MYO5B: variants seen among roughly 807,000 people sequenced by gnomAD.
MYO5B encodes unconventional myosin-Vb.
A neutral mutation model predicts 229.3 loss-of-function variants in MYO5B; 143 were observed. That is an observed-to-expected ratio of 0.62 (90% CI 0.54 to 0.72). The LOEUF is 0.72. MYO5B is among the 30% of genes least tolerant of loss of function. The pLI is 0.00. For synonymous variants in MYO5B, 918 were observed against 885.2 expected (o/e 1.04, Z -0.66); for missense variants, 2,321 against 2,331.0 (o/e 1.00, Z 0.09).
rs1480273869 is a variant in MYO5B, at chr18:49,904,743, T to C, written c.2500A>G (p.Arg834Gly). ...RMQRARQAYQ[R>G]VRRAAVVIQA... The stretch of plus-strand genomic sequence containing the variant: ...ATAACAACGGCAGCTCTGCGGACCC[T>C]CTGGTAGGCCTGGCGGGCCCTCTGC... Residue 834 changes from arginine to glycine, a missense_variant, in exon 20 of 40, where the codon AGG becomes GGG. Coordinates refer to ENST00000285039, the MANE Select transcript of MYO5B (RefSeq NM_001080467.3). The C allele has an allele frequency of 6.2e-7, 1 of 1,614,010 alleles. No homozygotes were observed. Among genetic ancestry groups the C allele is most frequent in the South Asian group, 1.1e-5 (1 of 91,080 alleles).
Position 49,837,643 on chromosome 18 carries a change from T to C in MYO5B, c.5012A>G (p.Gln1671Arg), listed in dbSNP as rs1336492853. 1 of 1,614,016 alleles carries C rather than the reference T, an allele frequency of 6.2e-7. No homozygotes were observed. Among genetic ancestry groups the C allele is most frequent in the East Asian group, 2.2e-5 (1 of 44,886 alleles). The change falls in exon 37 of 40, where the codon CAG becomes CGG. Residue 1671 changes from glutamine to arginine, a missense_variant. Gln to Arg is a conservative substitution (Grantham distance 43, BLOSUM62 1). This residue lies in a region of MYO5B where 208 missense variants were observed against 286.3 expected (regional missense o/e 0.73). Transcript: ENST00000285039. ...MNAFHTVMCD[Q>R]GLDPEIILQV... ...CAGGATGATCTCAGGGTCCAAGCCC[T>C]GGTCACACATGACTGTATGAAAGGC... is the stretch of plus-strand genomic sequence containing the variant.
At chr18:50,025,268 A>C (rs978421815) in intron 4 of MYO5B, among the ~76,000 whole-genome samples, 1 of 152,236 alleles carries the variant, frequency 6.6e-6, no homozygotes, top group African/African-American at 2.4e-5. Flanking sequence ...CAAGACCTGC[A>C]TATCAGTGAT....
rs886053884 is a variant in MYO5B at position 50,195,040 on chromosome 18, G to GGCCGC, written c.-252_-248dup. The GGCCGC allele has an allele frequency of 1.3e-5, 5 of 372,852 alleles. No individual in the cohort carries two copies. Among genetic ancestry groups the GGCCGC allele is most frequent in the Non-Finnish European group, 4.6e-6 (1 of 219,110 alleles). The allele number at this position is 372,852 out of a possible 1,614,324, so 23.1% of individuals were successfully genotyped here. A position where few individuals can be genotyped will look rare whatever the true frequency, so the allele number is the denominator to read the frequency against. On this transcript the variant is annotated 5_prime_UTR_variant, in exon 1 of 40. Transcript: ENST00000285039. Reference sequence around the variant, plus strand: ...AGGAGTTGCGAGCGCCGGGGGAGGAGGCCGCGCCGCACCACTCCCCTCCCA... The same window carrying GGCCGC: ...AGGAGTTGCGAGCGCCGGGGGAGGAGGCCGCGCCGCGCCGCACCACTCCCCTCCCA...
At chr18:49,948,120 C>G (rs1164594568) in intron 14 of MYO5B, among the ~76,000 whole-genome samples, 1 of 152,168 alleles carries the variant, frequency 6.6e-6, no homozygotes, top group Admixed American at 6.5e-5. Flanking sequence ...GGAAATCACA[C>G]CTACTCATTT....
In MYO5B at chr18:49,974,118, G is replaced by C. The variant is rs551171326; in HGVS notation, c.1322+232C>G. On this transcript the variant is annotated intron_variant, in intron 10 of 39. Coordinates refer to ENST00000285039, the MANE Select transcript of MYO5B (RefSeq NM_001080467.3). ...CTCATTGGGAAACTCCTGGTGTTTTGACAGGTCCATTCTTGCTTGGGGACT... is the reference window on the plus strand; with the variant it reads ...CTCATTGGGAAACTCCTGGTGTTTTCACAGGTCCATTCTTGCTTGGGGACT... Among the ~76,000 whole-genome samples, 110 of 152,266 alleles carry C rather than the reference G, an allele frequency of 7.2e-4. 1 individual carries two copies. Among genetic ancestry groups the C allele is most frequent in the African/African-American group, 2.4e-3 (98 of 41,554 alleles).
chr18:50,167,845 C>T lies in MYO5B; in HGVS notation c.27+26922G>A, dbSNP rs188634689. 2.2e-4 allele frequency among the ~76,000 whole-genome samples: 33 copies of T among 152,252 alleles called. No homozygotes were observed. The East Asian group carries it at 5.2e-3, about 24-fold the overall frequency. On this transcript the variant is annotated intron_variant, in intron 1 of 39. Coordinates refer to ENST00000285039, the MANE Select transcript of MYO5B (RefSeq NM_001080467.3). ...GTCCCCAAAATAAATCAAGCCAAGC[C>T]CATCTGCCCTCTGGCCCCACGGGTA...
chr18:49,838,479 C>T lies in MYO5B; in HGVS notation c.4852+665G>A, dbSNP rs1449472975. 2.0e-5 allele frequency among the ~76,000 whole-genome samples: 3 copies of T among 152,132 alleles called. No individual in the cohort carries two copies. In the East Asian group the frequency reaches 5.8e-4, roughly 29 times the overall value. Reference sequence around the variant, plus strand: ...GACAGGAAGGAGGGTTTGGAATGAACCTCATTTCAAGTAATGTATTTCTAG... The same window carrying T: ...GACAGGAAGGAGGGTTTGGAATGAATCTCATTTCAAGTAATGTATTTCTAG... On this transcript the variant is annotated intron_variant, in intron 36 of 39. Coordinates refer to ENST00000285039, the MANE Select transcript of MYO5B (RefSeq NM_001080467.3).
intron 8 of MYO5B, among the ~76,000 whole-genome samples, chr18:49,983,265 T>G (rs915582625): frequency 2.6e-5 from 4 of 152,228 alleles, no homozygotes; most frequent in African/African-American, 9.6e-5. Flanking sequence ...CAACAGAACA[T>G]GAAGACAATT....
At chr18:50,096,701 T>C (rs1400173823) in intron 1 of MYO5B, among the ~76,000 whole-genome samples, 1 of 152,210 alleles carries the variant, frequency 6.6e-6, no homozygotes, top group Non-Finnish European at 1.5e-5. Context: ...AGTCCTTTCC[T>C]ACTTTGTTCA....
chr18:50,106,443 C>T (rs1449730012), intron 1 of MYO5B, among the ~76,000 whole-genome samples: 1 of 152,202 alleles, frequency 6.6e-6, no homozygotes, highest in African/African-American at 2.4e-5. Context: ...ATCTGGCCTT[C>T]ATCATCTGGC....
chr18:50,134,229 T>C (rs530053948), intron 1 of MYO5B, among the ~76,000 whole-genome samples: 16 of 151,978 alleles, frequency 1.1e-4, no homozygotes, highest in Middle Eastern at 6.8e-3. Flanking sequence ...CAGAGGCACA[T>C]AAAAACAAGT....
chr18:50,008,471 T>C (rs549672001), intron 4 of MYO5B, among the ~76,000 whole-genome samples: 1 of 152,338 alleles, frequency 6.6e-6, no homozygotes, highest in East Asian at 1.9e-4. Context: ...TACAAGTTAC[T>C]GCCTGCAAAC....
chr18:50,010,050 C>A lies in MYO5B; in HGVS notation c.456-8639G>T, dbSNP rs2026145658. Among the ~76,000 whole-genome samples, 3 of 152,152 alleles carry A rather than the reference C, an allele frequency of 2.0e-5. No individual in the cohort carries two copies. In the South Asian group the frequency reaches 6.2e-4, roughly 32 times the overall value. On this transcript the variant is annotated intron_variant, in intron 4 of 39. Transcript: ENST00000285039. ...GCCACAGCCCAGAACTGAAACCAAG[C>A]CATTCAGGAAGGCTGTCATGAATAT...
At chr18:50,185,575 G>A (rs1274630104) in intron 1 of MYO5B, among the ~76,000 whole-genome samples, 3 of 152,276 alleles carry the variant, frequency 2.0e-5, no homozygotes, top group East Asian at 1.9e-4. Context: ...GTTTGAGGTG[G>A]TGGATAACCT....
chr18:49,991,377 C>G (rs1430691568), intron 6 of MYO5B, among the ~76,000 whole-genome samples: 2 of 152,074 alleles, frequency 1.3e-5, no homozygotes, highest in African/African-American at 2.4e-5. Context: ...TAACCCAAGG[C>G]AAGAATCTGC....
intron 4 of MYO5B, among the ~76,000 whole-genome samples, chr18:50,019,338 C>T (rs1448181120): frequency 3.3e-5 from 5 of 152,294 alleles, no homozygotes; most frequent in Middle Eastern, 3.4e-3. Flanking sequence ...GGTGAGTCGG[C>T]CCCTGCTACC....
chr18:50,187,936 C>T (rs1347970212), intron 1 of MYO5B, among the ~76,000 whole-genome samples: 1 of 151,930 alleles, frequency 6.6e-6, no homozygotes, highest in Non-Finnish European at 1.5e-5. Flanking sequence ...GGATCCTGGC[C>T]CAGAAAAAGA....
intron 22 of MYO5B, among the ~76,000 whole-genome samples, chr18:49,887,032 C>T (rs2024650804): frequency 6.6e-6 from 1 of 152,120 alleles, no homozygotes; most frequent in Admixed American, 6.5e-5. Flanking sequence ...GTGACTGGGT[C>T]ATGGGGGTGG....
chr18:50,091,143 T>C (rs1446377537), intron 1 of MYO5B, among the ~76,000 whole-genome samples: 1 of 152,166 alleles, frequency 6.6e-6, no homozygotes, highest in Admixed American at 6.5e-5. Flanking sequence ...TATAGATGCA[T>C]TGCAGCCACT....
Sources: allele counts gnomAD v4.1 joint callset (sites outside exome capture counted in the v4.1 genomes callset), GRCh38; gene constraint gnomAD v4.1.1; regional missense constraint gnomAD v4.1.1; transcripts MANE v1.5; gene names NCBI Gene and HGNC (gene_info 2026-07-23, HGNC 2026-07-21).